RALYL: variants seen among roughly 807,000 people sequenced by gnomAD.
RALYL encodes RALY RNA binding protein like, also known as RNA-binding Raly-like protein.
In RALYL, 29 loss-of-function variants were observed where a neutral mutation model predicts 35.1. That is an observed-to-expected ratio of 0.83 (90% CI 0.61 to 1.13). The LOEUF (loss-of-function observed/expected upper bound fraction) is 1.13, where lower values mean the gene tolerates loss of function less well. Ranked by LOEUF, RALYL falls within the 50% of genes most tolerant of loss-of-function variation. The pLI, the probability that RALYL is intolerant of heterozygous loss-of-function variation, is 0.00. For missense variants in RALYL, 359 were observed against 360.4 expected, an observed-to-expected ratio of 1.00 and a Z score of 0.03; for synonymous variants, 120 against 127.6, an observed-to-expected ratio of 0.94 and a Z score of 0.40.
intron 1 of RALYL, among the ~76,000 whole-genome samples, chr8:84,364,068 A>G (rs887540047): frequency 6.6e-6 from 1 of 152,148 alleles, no homozygotes; most frequent in African/African-American, 2.4e-5. Context: ...CTCAGTTTGC[A>G]AACTTAGGTA....
intron 2 of RALYL, among the ~76,000 whole-genome samples, chr8:84,724,715 A>T (rs568510391): frequency 6.6e-6 from 1 of 151,738 alleles, no homozygotes; most frequent in African/African-American, 2.4e-5. Context: ...ATTTTATTTC[A>T]TCATCTTCCC....
chr8:84,786,715 G>C (rs947469370), intron 3 of RALYL, among the ~76,000 whole-genome samples: 1 of 151,478 alleles, frequency 6.6e-6, no homozygotes, highest in African/African-American at 2.4e-5. Flanking sequence ...GTTCCTTGTA[G>C]ATTCTAGATA....
At chr8:84,371,400 A>G (rs1167737867) in intron 1 of RALYL, among the ~76,000 whole-genome samples, 1 of 151,986 alleles carries the variant, frequency 6.6e-6, no homozygotes, top group African/African-American at 2.4e-5. Context: ...ACAACAAAAA[A>G]CTACTTGGAA....
rs1002467162 is a variant in RALYL, at chr8:84,467,954, T to C, written c.-23-61345T>C. Among the ~76,000 whole-genome samples the C allele has an allele frequency of 4.3e-5, 6 of 140,148 alleles. No individual in the cohort carries two copies. The East Asian group carries it at 1.0e-3, about 24-fold the overall frequency. 91.9% of individuals were successfully genotyped at this position (140,148 alleles called of 152,430 possible). ...GTTTAAAGTCTGTTTTATCAGAGAC[T>C]AGGATTGCAACCCCTGCCTTTTTTT... On this transcript the variant is annotated intron_variant, in intron 1 of 8. Coordinates refer to ENST00000521268, the MANE Select transcript of RALYL (RefSeq NM_173848.7).
chr8:84,736,998 C>G (rs370350062), intron 2 of RALYL, among the ~76,000 whole-genome samples: 1 of 151,944 alleles, frequency 6.6e-6, no homozygotes, highest in African/African-American at 2.4e-5. Context: ...TTCAAAGATG[C>G]CTGAATTCCA....
intron 4 of RALYL, among the ~76,000 whole-genome samples, chr8:84,818,467 T>G (rs567500849): frequency 1.3e-5 from 2 of 152,252 alleles, no homozygotes; most frequent in South Asian, 4.1e-4. Flanking sequence ...GCTATTAAAA[T>G]GGCATTCCTG....
intron 1 of RALYL, among the ~76,000 whole-genome samples, chr8:84,423,314 T>G (rs1025515962): frequency 3.3e-5 from 5 of 150,644 alleles, no homozygotes; most frequent in Admixed American, 3.3e-4. Context: ...TGGCCTTCTT[T>G]GTCTCTTTTG....
At chr8:84,290,772 C>A (rs1375971187) in intron 1 of RALYL, among the ~76,000 whole-genome samples, 2 of 152,100 alleles carry the variant, frequency 1.3e-5, no homozygotes, top group Non-Finnish European at 2.9e-5. Context: ...CATACTTTGG[C>A]CTTTTTAAGT....
intron 1 of RALYL, among the ~76,000 whole-genome samples, chr8:84,424,166 C>G (rs917270610): frequency 6.7e-6 from 1 of 150,246 alleles, no homozygotes; most frequent in Non-Finnish European, 1.5e-5. Context: ...GTTCCATTCT[C>G]CCCATCACTT....
chr8:84,382,135 T>C (rs995592147), intron 1 of RALYL, among the ~76,000 whole-genome samples: 5 of 151,414 alleles, frequency 3.3e-5, no homozygotes, highest in Middle Eastern at 3.4e-3. Context: ...AAATCATACT[T>C]AACATTGTCA....
intron 2 of RALYL, among the ~76,000 whole-genome samples, chr8:84,573,157 A>T (rs922803378): frequency 6.6e-6 from 1 of 151,374 alleles, no homozygotes; most frequent in Non-Finnish European, 1.5e-5. Context: ...TTTTAAATAA[A>T]TTTAAAAAAT....
chr8:84,578,974 C>A (rs545099249), intron 2 of RALYL, among the ~76,000 whole-genome samples: 10 of 152,326 alleles, frequency 6.6e-5, no homozygotes, highest in African/African-American at 2.4e-4. Context: ...AGGCTTCAGG[C>A]TGTCCCCAGC....
chr8:84,389,964 G>A (rs530898195), intron 1 of RALYL, among the ~76,000 whole-genome samples: 125 of 151,836 alleles, frequency 8.2e-4, no homozygotes, highest in African/African-American at 2.9e-3. Flanking sequence ...CATTCAGTAT[G>A]ATATTGGCTG....
chr8:84,642,652 C>T (rs1313068500), intron 2 of RALYL, among the ~76,000 whole-genome samples: 2 of 152,012 alleles, frequency 1.3e-5, no homozygotes, highest in African/African-American at 4.8e-5. Context: ...CAGCTGGAGT[C>T]TTAAAGAGGA....
rs182159289 is a variant in RALYL at position 84,333,898 on chromosome 8, C to G, written c.-24+149474C>G. On this transcript the variant is annotated intron_variant, in intron 1 of 8. Transcript: ENST00000521268. ...GTCTTATTTTAACTTGTTTTTTTCC[C>G]CCCTTGGGACACGGTCTCACTGTGT... is the stretch of plus-strand genomic sequence containing the variant. Among the ~76,000 whole-genome samples the G allele has an allele frequency of 2.8e-3, 420 of 152,058 alleles. 2 individuals carry two copies. The highest frequency in any genetic ancestry group is 9.5e-3 in the African/African-American group (393 of 41,480).
intron 4 of RALYL, among the ~76,000 whole-genome samples, chr8:84,838,269 A>T (rs1344424114): frequency 1.3e-5 from 2 of 151,118 alleles, no homozygotes; most frequent in Admixed American, 6.6e-5. Context: ...AGAAAGAAAA[A>T]GGGGATTTTT....
intron 2 of RALYL, among the ~76,000 whole-genome samples, chr8:84,540,914 A>G (rs114915846): frequency 0.015 from 2,355 of 152,134 alleles, 62 homozygotes; most frequent in African/African-American, 0.053. Flanking sequence ...AAAAGTGTAC[A>G]TTTGATACAC....
At chr8:84,515,297 A>T (rs529923299) in intron 1 of RALYL, among the ~76,000 whole-genome samples, 2 of 152,258 alleles carry the variant, frequency 1.3e-5, no homozygotes, top group African/African-American at 4.8e-5. Flanking sequence ...CTAATTTTTT[A>T]AAAAGCTCTA....
In RALYL at chr8:84,725,693, T is replaced by C. The variant is rs73298140; in HGVS notation, c.257-48886T>C. Among the ~76,000 whole-genome samples the C allele has an allele frequency of 5.3e-3, 799 of 151,780 alleles. 6 individuals are homozygous for C. The highest frequency in any genetic ancestry group is 0.018 in the African/African-American group (761 of 41,534). ...AAATATGAGTTATTAGTAAGAAATA[T>C]GAGTTATAAGTAAGAGATTATTAAA... On this transcript the variant is annotated intron_variant, in intron 2 of 8. Coordinates refer to ENST00000521268, the MANE Select transcript of RALYL (RefSeq NM_173848.7).
Sources: gnomAD v4.1 joint callset for allele counts (sites outside exome capture counted in the v4.1 genomes callset) on GRCh38, gnomAD v4.1.1 for gene constraint, MANE v1.5 for transcripts, NCBI Gene and HGNC (gene_info 2026-07-23, HGNC 2026-07-21) for gene names.